The following CDH10 variants were observed in gnomAD, a reference collection of about 807,000 sequenced individuals.
CDH10 encodes cadherin 10.
CDH10 carries 30 observed loss-of-function variants against 73.1 expected under a neutral mutation model. That is an observed-to-expected ratio of 0.41 (90% CI 0.31 to 0.56). The LOEUF is 0.56. Among genes scored for constraint, CDH10 ranks in the 20% least tolerant of loss-of-function variants. The pLI is 0.27. For synonymous variants in CDH10, 345 were observed against 348.2 expected (o/e 0.99, Z 0.10); for missense variants, 815 against 973.7 (o/e 0.84, Z 2.17).
chr5:24,492,381 T>C (rs1307349255), intron 10 of CDH10, among the ~76,000 whole-genome samples: 2 of 152,214 alleles, frequency 1.3e-5, no homozygotes, highest in Non-Finnish European at 2.9e-5. Context: ...TTTGTAACAA[T>C]GCCTTCGTAC....
chr5:24,584,483 A>T (rs759941162), intron 2 of CDH10, among the ~76,000 whole-genome samples: 1 of 112,548 alleles, frequency 8.9e-6, no homozygotes, highest in Non-Finnish European at 1.7e-5. Context: ...TGTGAGAGAG[A>T]GAGAGAGAGA....
intron 1 of CDH10, among the ~76,000 whole-genome samples, chr5:24,602,746 G>A (rs1250407066): frequency 6.6e-6 from 1 of 152,060 alleles, no homozygotes; most frequent in Non-Finnish European, 1.5e-5. Flanking sequence ...CACAATCTAG[G>A]AATGTGCAGT....
intron 5 of CDH10, among the ~76,000 whole-genome samples, chr5:24,527,739 G>A (rs1027195673): frequency 2.6e-5 from 4 of 151,828 alleles, no homozygotes; most frequent in Non-Finnish European, 5.9e-5. Context: ...TAGGTGGTCC[G>A]TCATTGACTG....
chr5:24,586,434 C>CTTTTTTTTTT (rs35486231), intron 2 of CDH10, among the ~76,000 whole-genome samples: 20 of 100,402 alleles, frequency 2.0e-4, no homozygotes, highest in East Asian at 1.0e-3. Flanking sequence ...TTATTAACTC[C>CTTTTTTTTTT]TTTTTTTTTT....
At chr5:24,540,982 G>T (rs1744133393) in intron 2 of CDH10, among the ~76,000 whole-genome samples, 1 of 151,850 alleles carries the variant, frequency 6.6e-6, no homozygotes, top group African/African-American at 2.4e-5. Flanking sequence ...TATTGGTAGG[G>T]TGATACAACT....
chr5:24,626,809 T>C (rs1480228967), intron 1 of CDH10, among the ~76,000 whole-genome samples: 1 of 150,210 alleles, frequency 6.7e-6, no homozygotes, highest in African/African-American at 2.4e-5. Context: ...TGTGTGTGTG[T>C]GTGTGTGTAT....
rs572393056 is a variant in CDH10, at chr5:24,561,385, G to A, written c.232-23711C>T. ...AAAAATAATTATATGAGAAAATTGT[G>A]AGGATACACTTCAGTGAGAAGAGGC... On this transcript the variant is annotated intron_variant, in intron 2 of 11. Coordinates refer to ENST00000264463, the MANE Select transcript of CDH10 (RefSeq NM_006727.5). 2.8e-4 allele frequency among the ~76,000 whole-genome samples: 42 copies of A among 152,168 alleles called. No homozygotes were observed. The South Asian group carries it at 8.5e-3, about 31-fold the overall frequency.
intron 2 of CDH10, among the ~76,000 whole-genome samples, chr5:24,579,589 C>G (rs1244252682): frequency 6.6e-6 from 1 of 152,050 alleles, no homozygotes; most frequent in Non-Finnish European, 1.5e-5. Flanking sequence ...CACTTATAAC[C>G]TCATGGAAAC....
chr5:24,565,270 T>TA (rs1313924192), intron 2 of CDH10, among the ~76,000 whole-genome samples: 1 of 152,282 alleles, frequency 6.6e-6, no homozygotes, highest in African/African-American at 2.4e-5. Context: ...ATCTATATTT[T>TA]AAAAAACTTC....
At chr5:24,582,648 T>C (rs1745843790) in intron 2 of CDH10, among the ~76,000 whole-genome samples, 1 of 152,094 alleles carries the variant, frequency 6.6e-6, no homozygotes, top group African/African-American at 2.4e-5. Flanking sequence ...TTTTAAAACA[T>C]AAAGGTCAAT....
At chr5:24,631,095 C>T (rs1747690330) in intron 1 of CDH10, among the ~76,000 whole-genome samples, 1 of 152,108 alleles carries the variant, frequency 6.6e-6, no homozygotes, top group Non-Finnish European at 1.5e-5. Context: ...CTATGCAGTA[C>T]TGCCTCTGGA....
chr5:24,637,208 A>C (rs1747893809), intron 1 of CDH10, among the ~76,000 whole-genome samples: 1 of 152,038 alleles, frequency 6.6e-6, no homozygotes, highest in African/African-American at 2.4e-5. Flanking sequence ...TGTCTTCCCA[A>C]GTTTGTCTTT....
chr5:24,504,064 T>C (rs948507627), intron 8 of CDH10, among the ~76,000 whole-genome samples: 1 of 152,130 alleles, frequency 6.6e-6, no homozygotes, highest in Non-Finnish European at 1.5e-5. Flanking sequence ...TTAGTTAATA[T>C]TAAATATACA....
intron 2 of CDH10, among the ~76,000 whole-genome samples, chr5:24,559,318 T>C (rs1407567457): frequency 6.6e-6 from 1 of 152,002 alleles, no homozygotes; most frequent in African/African-American, 2.4e-5. Flanking sequence ...AATTTACTGC[T>C]TGGTTCTGAC....
intron 5 of CDH10, among the ~76,000 whole-genome samples, chr5:24,523,048 G>A (rs1743398877): frequency 6.6e-6 from 1 of 152,030 alleles, no homozygotes; most frequent in African/African-American, 2.4e-5. Flanking sequence ...TTCATAGCAT[G>A]GCATTTAAAT....
chr5:24,521,610 C>T (rs1262098501), intron 5 of CDH10, among the ~76,000 whole-genome samples: 1 of 149,832 alleles, frequency 6.7e-6, no homozygotes, highest in Non-Finnish European at 1.5e-5. Context: ...GAAACTCTGT[C>T]TCAAAAAAAA....
At chr5:24,568,574 G>GA (rs1745247989) in intron 2 of CDH10, among the ~76,000 whole-genome samples, 1 of 151,628 alleles carries the variant, frequency 6.6e-6, no homozygotes, top group African/African-American at 2.4e-5. Context: ...AACTGCTGTG[G>GA]AAAACAATAT....
chr5:24,529,697 A>G (rs757839580), intron 5 of CDH10, among the ~76,000 whole-genome samples: 4 of 151,960 alleles, frequency 2.6e-5, no homozygotes, highest in Non-Finnish European at 5.9e-5. Context: ...TACATATGAG[A>G]GAGTCACTCA....
At chr5:24,629,879 A>G (rs1034657265) in intron 1 of CDH10, among the ~76,000 whole-genome samples, 1 of 152,150 alleles carries the variant, frequency 6.6e-6, no homozygotes, top group African/African-American at 2.4e-5. Flanking sequence ...CAGTGTGAGA[A>G]TGGACTAATA....
Sources: gnomAD v4.1 joint callset for allele counts (sites outside exome capture counted in the v4.1 genomes callset) on GRCh38, gnomAD v4.1.1 for gene constraint, MANE v1.5 for transcripts, NCBI Gene and HGNC (gene_info 2026-07-23, HGNC 2026-07-21) for gene names.